CATSPERB: variants seen among roughly 807,000 people sequenced by gnomAD.
The protein encoded by CATSPERB is catsper channel auxiliary subunit beta.
A neutral mutation model predicts 128.3 loss-of-function variants in CATSPERB; 93 were observed. The observed-to-expected ratio is 0.72, with a 90% CI of 0.61 to 0.86. The LOEUF (loss-of-function observed/expected upper bound fraction) is 0.86. CATSPERB is among the 40% of genes least tolerant of loss of function. CATSPERB has a pLI of 0.00. For synonymous variants in CATSPERB, 381 were observed against 448.8 expected, an observed-to-expected ratio of 0.85 and a Z score of 1.91; for missense variants, 1,153 against 1,329.5, an observed-to-expected ratio of 0.87 and a Z score of 2.06.
rs1057304358 is a variant in CATSPERB at position 91,654,920 on chromosome 14, T to G, written c.1432+4917A>C. 2.0e-5 allele frequency among the ~76,000 whole-genome samples: 3 copies of G among 152,034 alleles called. No individual in the cohort carries two copies. In the East Asian group the frequency reaches 5.8e-4, roughly 29 times the overall value. On this transcript the variant is annotated intron_variant, in intron 15 of 26. Coordinates refer to ENST00000256343, the MANE Select transcript of CATSPERB (RefSeq NM_024764.4). ...GCTTAGCACAGAGAAAGAGACACTA[T>G]TTGTTTGGTGGAAAGTAAGGTAAGA... is the stretch of plus-strand genomic sequence containing the variant.
intron 7 of CATSPERB, among the ~76,000 whole-genome samples, chr14:91,696,585 AT>A (rs529295279): frequency 0.014 from 2,106 of 150,476 alleles, 52 homozygotes; most frequent in African/African-American, 0.048. Flanking sequence ...GGCCTTAAAT[AT>A]TTTTTTTTTG....
At chr14:91,667,208 G>A (rs1894999920) in intron 14 of CATSPERB, among the ~76,000 whole-genome samples, 1 of 152,222 alleles carries the variant, frequency 6.6e-6, no homozygotes, top group Non-Finnish European at 1.5e-5. Context: ...AACCTCTGGG[G>A]GAACCCCATT....
intron 22 of CATSPERB, among the ~76,000 whole-genome samples, chr14:91,602,609 A>G (rs1023634990): frequency 6.6e-6 from 1 of 152,190 alleles, no homozygotes; most frequent in African/African-American, 2.4e-5. Context: ...ATGTAAACTC[A>G]AAGTGGTTTT....
chr14:91,634,471 T>C (rs955204728), intron 17 of CATSPERB, among the ~76,000 whole-genome samples: 17 of 151,610 alleles, frequency 1.1e-4, no homozygotes, highest in African/African-American at 4.1e-4. Context: ...CTCAAAGAAC[T>C]AAAAAGAGAT....
At chr14:91,590,063 G>C (rs1042992586) in intron 23 of CATSPERB, among the ~76,000 whole-genome samples, 1 of 152,178 alleles carries the variant, frequency 6.6e-6, no homozygotes, top group African/African-American at 2.4e-5. Context: ...CTCAAAGCCA[G>C]CCCCAATGCA....
chr14:91,587,893 T>C (rs1233710330), intron 25 of CATSPERB, 85 bp downstream of exon 25: 8 of 818,184 alleles, frequency 9.8e-6, no homozygotes, highest in Non-Finnish European at 1.6e-5. Context: ...TGGTTACCTA[T>C]ACTTTAGAAT....
intron 22 of CATSPERB, among the ~76,000 whole-genome samples, chr14:91,597,218 G>C (rs1893523339): frequency 6.6e-6 from 1 of 152,036 alleles, no homozygotes; most frequent in Non-Finnish European, 1.5e-5. Context: ...ATTTGATTTT[G>C]GAAAGTTTGT....
At chr14:91,729,345 G>C (rs1896173072) in intron 2 of CATSPERB, 56 bp downstream of exon 2, 2 of 740,678 alleles carry the variant, frequency 2.7e-6, no homozygotes, top group Admixed American at 3.1e-5. Context: ...ATAAGGAAGA[G>C]ACACAAATAA....
intron 7 of CATSPERB, among the ~76,000 whole-genome samples, chr14:91,700,236 T>C (rs1239303179): frequency 2.0e-5 from 3 of 152,214 alleles, no homozygotes; most frequent in African/African-American, 7.2e-5. Context: ...TCCAGCTTCA[T>C]CCATGTCCTG....
intron 3 of CATSPERB, among the ~76,000 whole-genome samples, chr14:91,723,833 T>C (rs1261911084): frequency 8.7e-6 from 1 of 114,372 alleles, no homozygotes; most frequent in African/African-American, 2.8e-5. Context: ...GGAATTAACA[T>C]TCTAATGGAG....
intron 15 of CATSPERB, among the ~76,000 whole-genome samples, chr14:91,656,101 T>C (rs567492701): frequency 1.3e-5 from 2 of 152,108 alleles, no homozygotes; most frequent in South Asian, 4.1e-4. Flanking sequence ...CCTTTAAACA[T>C]GAAAAAGAAA....
chr14:91,604,786 G>A, intron 22 of CATSPERB: 1 of 1,612,244 alleles, frequency 6.2e-7, no homozygotes, highest in South Asian at 1.1e-5. Flanking sequence ...GGTAGGAAGA[G>A]TAGAGGCTGG....
intron 13 of CATSPERB, among the ~76,000 whole-genome samples, chr14:91,671,628 G>A (rs540181089): frequency 3.3e-5 from 5 of 149,890 alleles, no homozygotes; most frequent in African/African-American, 7.4e-5. Context: ...AAAAAAAATC[G>A]TATCTCCTGT....
Position 91,723,173 on chromosome 14 carries a change from A to G in CATSPERB, c.185T>C (p.Phe62Ser). Reference protein sequence around the residue: ...FLENLKIQCFFQTENEIASKA... With the variant: ...FLENLKIQCFSQTENEIASKA... ...TGATGCAATTTCATTTTCAGTTTGG[A>G]AGAAACACTGGATTTTCTTTAGGAA... Residue 62 changes from phenylalanine (F) to serine (S), a missense_variant, in exon 4 of 27, where the codon TTC (phenylalanine) becomes TCC (serine). Phe to Ser is a radical substitution (Grantham distance 155). Transcript: ENST00000256343. The G allele has an allele frequency of 6.7e-7, 1 of 1,491,880 alleles. No homozygotes were observed. The highest frequency in any genetic ancestry group is 1.5e-5 in the South Asian group (1 of 68,554). The allele number at this position is 1,491,880 out of a possible 1,614,324, so 92.4% of individuals were successfully genotyped here.
intron 17 of CATSPERB, among the ~76,000 whole-genome samples, chr14:91,627,120 T>C (rs1157310274): frequency 6.6e-6 from 1 of 152,214 alleles, no homozygotes; most frequent in Non-Finnish European, 1.5e-5. Context: ...TAAAGATTTT[T>C]AAATGACAGT....
chr14:91,596,911 G>T (rs1447997311), intron 22 of CATSPERB, among the ~76,000 whole-genome samples: 1 of 150,096 alleles, frequency 6.7e-6, no homozygotes, highest in Non-Finnish European at 1.5e-5. Flanking sequence ...TTTTGAGACA[G>T]AGTCTCGCAC....
chr14:91,730,759 T>G (rs538317129), intron 1 of CATSPERB, among the ~76,000 whole-genome samples: 34 of 152,350 alleles, frequency 2.2e-4, no homozygotes, highest in African/African-American at 8.2e-4. Flanking sequence ...GTAAATTAAA[T>G]GTAACTGGTG....
intron 17 of CATSPERB, among the ~76,000 whole-genome samples, chr14:91,627,658 T>G (rs1894192822): frequency 6.6e-6 from 1 of 152,138 alleles, no homozygotes; most frequent in South Asian, 2.1e-4. Flanking sequence ...CTTCTGTAAA[T>G]TCTTTGTGTC....
At chr14:91,712,580 T>C (rs1895857561) in intron 5 of CATSPERB, among the ~76,000 whole-genome samples, 1 of 152,236 alleles carries the variant, frequency 6.6e-6, no homozygotes, top group Non-Finnish European at 1.5e-5. Flanking sequence ...TGAGGGCTTT[T>C]GTATTGCATC....
Sources: gnomAD v4.1 joint callset for allele counts (sites outside exome capture counted in the v4.1 genomes callset) on GRCh38, gnomAD v4.1.1 for gene constraint, MANE v1.5 for transcripts, NCBI Gene and HGNC (gene_info 2026-07-23, HGNC 2026-07-21) for gene names.